Variants in PAOX observed in about 807,000 individuals in gnomAD.
The protein encoded by PAOX is peroxisomal N(1)-acetyl-spermine/spermidine oxidase.
A neutral mutation model predicts 39.0 loss-of-function variants in PAOX; 38 were observed. That is an observed-to-expected ratio of 0.97 (90% CI 0.75 to 1.28). The LOEUF is 1.28. PAOX is among the 50% of genes most tolerant of loss of function. The pLI, the probability that PAOX is intolerant of heterozygous loss-of-function variation, is 0.00. For missense variants in PAOX, 667 were observed against 685.7 expected (o/e 0.97, Z 0.30); for synonymous variants, 311 against 314.4 (o/e 0.99, Z 0.11).
chr10:133,380,521 A>T, intron 2 of PAOX, 36 bp downstream of exon 2: 1 of 1,560,164 alleles, frequency 6.4e-7, no homozygotes, highest in Non-Finnish European at 8.6e-7. Flanking sequence ...CAGTCCTCCC[A>T]CCAGGCTCCC....
intron 4 of PAOX, among the ~76,000 whole-genome samples, chr10:133,387,633 T>C (rs1244232765): frequency 6.6e-6 from 1 of 152,262 alleles, no homozygotes; most frequent in Non-Finnish European, 1.5e-5. Flanking sequence ...CAGCCCCGCC[T>C]GGAATAGCGT....
chr10:133,391,127 T>C, intron 6 of PAOX, 185 bp from the exon 7 acceptor site: 1 of 711,600 alleles, frequency 1.4e-6, no homozygotes, highest in South Asian at 1.5e-5. Context: ...CGTTGGTGGA[T>C]GTGTGTGAGC....
In PAOX at chr10:133,380,363, C is replaced by T. The variant is rs143463492; in HGVS notation, c.546C>T (p.Ala182=). ...AGGAGACCAGGAAGCTGAAGCTGGCCGTCCTGAACTCCTTCTTCAACCTGG... is the reference window on the plus strand; with the variant it reads ...AGGAGACCAGGAAGCTGAAGCTGGCTGTCCTGAACTCCTTCTTCAACCTGG... ...EDEETRKLKL[A]VLNSFFNLEC... Residue 182 remains alanine (A), a synonymous_variant, in exon 2 of 7, where the codon GCC becomes GCT. Transcript: ENST00000278060. The T allele has an allele frequency of 1.7e-4, 282 of 1,612,924 alleles. 1 individual carries two copies. Among genetic ancestry groups the T allele is most frequent in the African/African-American group, 9.1e-4 (68 of 75,074 alleles).
chr10:133,382,374 C>G (rs955577083), intron 3 of PAOX, among the ~76,000 whole-genome samples: 2 of 152,164 alleles, frequency 1.3e-5, no homozygotes, highest in Non-Finnish European at 2.9e-5. Flanking sequence ...AAAGCAGGAG[C>G]CTCCGCAGCC....
intron 6 of PAOX, chr10:133,390,822 T>TGCCA (rs2133480844): frequency 5.6e-6 from 3 of 536,436 alleles, no homozygotes; most frequent in East Asian, 3.4e-5. Context: ...GACTCCCAGA[T>TGCCA]CCCTCCCCCA....
Position 133,391,499 on chromosome 10 carries a change from G to T in PAOX, c.*44G>T. 2 of 1,559,246 alleles carry T rather than the reference G, an allele frequency of 1.3e-6. No individual in the cohort carries two copies. The highest frequency in any genetic ancestry group is 2.4e-5 in the South Asian group (2 of 83,948). On this transcript the variant is annotated 3_prime_UTR_variant, in exon 7 of 7. Transcript: ENST00000278060. Reference sequence around the variant, plus strand: ...GTTCCACCCGTGTCGGGGGTAGGCTGGGACCCTCATTTCTTCTGACAGATT... The same window carrying T: ...GTTCCACCCGTGTCGGGGGTAGGCTTGGACCCTCATTTCTTCTGACAGATT...
At position 133,384,344 on chromosome 10, in the gene PAOX, C is replaced by G. The variant is rs1849480067; in HGVS notation, c.1121+132C>G. On this transcript the variant is annotated intron_variant, in intron 4 of 6. Coordinates refer to ENST00000278060, the MANE Select transcript of PAOX (RefSeq NM_152911.4). This position sits in a 1 kb window ranked among gnomAD's most constrained non-coding sequence, Gnocchi z 4.3. ...TAATGGGTAGGGTTCCCATGAGCGC[C>G]CCCCCACCAGGTGCTGGCTGCACCT... The G allele has an allele frequency of 7.2e-7, 1 of 1,387,882 alleles. No individual in the cohort carries two copies. The highest frequency in any genetic ancestry group is 9.8e-7 in the Non-Finnish European group (1 of 1,025,434). 86.0% of individuals were successfully genotyped at this position (1,387,882 alleles called of 1,614,324 possible).
intron 5 of PAOX, among the ~76,000 whole-genome samples, 165 bp from the exon 6 acceptor site, chr10:133,389,425 G>T (rs1849609775): frequency 6.6e-6 from 1 of 152,178 alleles, no homozygotes; most frequent in Non-Finnish European, 1.5e-5. Flanking sequence ...ACTGCTCTCG[G>T]GTCAGAGGCG....
At chr10:133,382,861 G>C (rs1849429308) in intron 3 of PAOX, 2 of 151,744 alleles carry the variant, frequency 1.3e-5, no homozygotes, top group African/African-American at 4.8e-5. Context: ...GAACTTGTCA[G>C]TGTTTCCAAA....
At chr10:133,379,922 G>A (rs1849306278) in intron 1 of PAOX, 77 bp from the exon 2 acceptor site, 10 of 1,489,304 alleles carry the variant, frequency 6.7e-6, no homozygotes, top group Non-Finnish European at 8.9e-6. Context: ...GCCAGCGTGG[G>A]CGTGGCCCAG....
At chr10:133,390,876 C>A in intron 6 of PAOX, 1 of 403,716 alleles carries the variant, frequency 2.5e-6, no homozygotes. Flanking sequence ...GATCACTATT[C>A]AGTGTTTACA....
intron 4 of PAOX, among the ~76,000 whole-genome samples, chr10:133,387,627 C>T (rs1849560803): frequency 6.6e-6 from 1 of 152,236 alleles, no homozygotes; most frequent in Non-Finnish European, 1.5e-5. Context: ...ACGCACCAGC[C>T]CCGCCTGGAA....
chr10:133,381,722 C>T (rs959720676), intron 3 of PAOX, 63 bp downstream of exon 3: 40 of 1,554,222 alleles, frequency 2.6e-5, no homozygotes, highest in Admixed American at 1.0e-4. Context: ...CTTACCCTGC[C>T]TCAGTTGGCT....
chr10:133,379,725 C>A, intron 1 of PAOX: 1 of 531,358 alleles, frequency 1.9e-6, no homozygotes, highest in Non-Finnish European at 3.0e-6. Context: ...ACAAGGCCGC[C>A]CTGATTCTGC....
rs371703764 is a variant in PAOX at position 133,389,767 on chromosome 10, C to T, written c.1392+20C>T. On this transcript the variant is annotated intron_variant, in intron 6 of 6. Coordinates refer to ENST00000278060, the MANE Select transcript of PAOX (RefSeq NM_152911.4). ...GCCCAGGTATGTGGCGTGCCCCAGT[C>T]GGGGGGCGTGGGTCCCGCTGCAGAG... 1.7e-4 allele frequency: 251 copies of T among 1,457,044 alleles called. No homozygotes were observed. Among genetic ancestry groups the T allele is most frequent in the Non-Finnish European group, 2.1e-4 (231 of 1,106,424 alleles). The allele number at this position is 1,457,044 out of a possible 1,614,324, so 90.3% of individuals were successfully genotyped here.
chr10:133,386,749 C>T (rs901943797), intron 4 of PAOX, among the ~76,000 whole-genome samples: 1 of 152,116 alleles, frequency 6.6e-6, no homozygotes, highest in Admixed American at 6.6e-5. Flanking sequence ...ATTGGGATTA[C>T]AGGCGTGAGC....
At position 133,384,278 on chromosome 10, in the gene PAOX, C is replaced by T. The variant is rs1435322852; in HGVS notation, c.1121+66C>T. 2.5e-6 allele frequency: 4 copies of T among 1,578,854 alleles called. No individual in the cohort carries two copies. The highest frequency in any genetic ancestry group is 4.5e-5 in the East Asian group (2 of 44,570). ...ATAGGCCTTCATCTGATGGAGGACG[C>T]AGCAGTGTGTCTGTTCACTGCAGGG... On this transcript the variant is annotated intron_variant, in intron 4 of 6. Coordinates refer to ENST00000278060, the MANE Select transcript of PAOX (RefSeq NM_152911.4). This position sits in a 1 kb window ranked among gnomAD's most constrained non-coding sequence, Gnocchi z 4.3.
Position 133,380,309 on chromosome 10 carries a change from C to G in PAOX, c.492C>G (p.Gly164=), listed in dbSNP as rs550015194. 3.1e-6 allele frequency: 5 copies of G among 1,612,884 alleles called. No homozygotes were observed. The South Asian group carries it at 5.5e-5, about 18-fold the overall frequency. ...GGGAGTACCTCAAGAAGGAGATTGG[C>G]CAGCACGTGGCCGGCTGGACAGAGG... ...SVGEYLKKEI[G]QHVAGWTEDE... The change falls in exon 2 of 7, where the codon GGC becomes GGG. Residue 164 remains glycine, a synonymous_variant. Transcript: ENST00000278060.
intron 2 of PAOX, 41 bp downstream of exon 2, chr10:133,380,526 G>A: frequency 6.5e-7 from 1 of 1,546,526 alleles, no homozygotes. Flanking sequence ...CTCCCACCAG[G>A]CTCCCCAGGG....
Sources: allele counts gnomAD v4.1 joint callset (sites outside exome capture counted in the v4.1 genomes callset), GRCh38; gene constraint gnomAD v4.1.1; non-coding constraint Gnocchi (gnomAD v3.1); transcripts MANE v1.5; gene names NCBI Gene and HGNC (gene_info 2026-07-23, HGNC 2026-07-21).